CTNND2: variants seen among roughly 807,000 people sequenced by gnomAD.
CTNND2 encodes catenin delta 2, also known as catenin delta-2.
In CTNND2, 22 loss-of-function variants were observed where a neutral mutation model predicts 144.4. The ratio of observed to expected loss-of-function variants is 0.15; its 90% CI spans 0.11 to 0.22. The LOEUF (loss-of-function observed/expected upper bound fraction) is 0.22. Among genes scored for constraint, CTNND2 ranks in the 10% least tolerant of loss-of-function variants. The pLI is 1.00. For synonymous variants in CTNND2, 751 were observed against 695.6 expected (o/e 1.08, Z -1.25); for missense variants, 1,353 against 1,618.8 (o/e 0.84, Z 2.82).
intron 3 of CTNND2, among the ~76,000 whole-genome samples, chr5:11,441,732 G>A (rs191032349): frequency 2.0e-4 from 30 of 148,910 alleles, no homozygotes; most frequent in African/African-American, 7.2e-4. Flanking sequence ...CTGTCTCACT[G>A]AACTTGGAAG....
At chr5:11,585,522 A>ATCTATCTATCTG (rs1252030258) in intron 2 of CTNND2, among the ~76,000 whole-genome samples, 1 of 151,548 alleles carries the variant, frequency 6.6e-6, no homozygotes, top group Non-Finnish European at 1.5e-5. Context: ...CTATCTATCT[A>ATCTATCTATCTG]TATCAGATTC....
At chr5:11,031,573 C>G (rs1000937641) in intron 16 of CTNND2, among the ~76,000 whole-genome samples, 1 of 151,980 alleles carries the variant, frequency 6.6e-6, no homozygotes, top group East Asian at 1.9e-4. Context: ...AAGGATGCCT[C>G]GGTGGGCTGG....
intron 2 of CTNND2, among the ~76,000 whole-genome samples, chr5:11,678,190 AG>A (rs1241214938): frequency 1.3e-5 from 2 of 152,226 alleles, no homozygotes; most frequent in Non-Finnish European, 2.9e-5. Flanking sequence ...TAGGTATTTT[AG>A]AAAACTAATG....
intron 10 of CTNND2, among the ~76,000 whole-genome samples, chr5:11,217,171 A>G (rs1264122315): frequency 6.6e-6 from 1 of 152,172 alleles, no homozygotes; most frequent in Non-Finnish European, 1.5e-5. Flanking sequence ...AAGACAGAAA[A>G]AGTCTTCCCA....
chr5:11,364,986 G>C, intron 7 of CTNND2, 96 bp from the exon 8 acceptor site: 1 of 1,039,282 alleles, frequency 9.6e-7, no homozygotes, highest in South Asian at 1.5e-5. Context: ...GGACAAAATT[G>C]TTGAAATTCC....
intron 9 of CTNND2, among the ~76,000 whole-genome samples, chr5:11,326,479 C>A (rs751367831): frequency 6.6e-6 from 1 of 152,086 alleles, no homozygotes. Flanking sequence ...GACCCCTCAC[C>A]CCTGGGACAC....
chr5:11,758,490 C>T (rs1003232841), intron 1 of CTNND2, among the ~76,000 whole-genome samples: 51 of 151,958 alleles, frequency 3.4e-4, no homozygotes, highest in African/African-American at 1.2e-3. Flanking sequence ...CCAACATTTC[C>T]CCTTTCCCCA....
At chr5:11,081,088 A>ACACACACACACACACACTCT (rs768076033) in intron 16 of CTNND2, among the ~76,000 whole-genome samples, 1 of 151,094 alleles carries the variant, frequency 6.6e-6, no homozygotes, top group Non-Finnish European at 1.5e-5. Flanking sequence ...ACACACACAC[A>ACACACACACACACACACTCT]CACACACACA....
chr5:11,202,867 C>T (rs187105126), intron 10 of CTNND2, among the ~76,000 whole-genome samples: 6 of 152,046 alleles, frequency 3.9e-5, no homozygotes, highest in African/African-American at 7.3e-5. Context: ...TGCAATGGCA[C>T]GATCTCAGCT....
chr5:11,309,311 C>T (rs1750569338), intron 9 of CTNND2, among the ~76,000 whole-genome samples: 1 of 152,210 alleles, frequency 6.6e-6, no homozygotes, highest in Non-Finnish European at 1.5e-5. Flanking sequence ...CTGTACCCTG[C>T]AGAGCCACAG....
chr5:11,786,359 T>A (rs1790829995), intron 1 of CTNND2, among the ~76,000 whole-genome samples: 1 of 152,238 alleles, frequency 6.6e-6, no homozygotes, highest in Non-Finnish European at 1.5e-5. Context: ...TAACACTTTT[T>A]AAAGTGATGC....
chr5:11,897,956 C>G (rs572463722), intron 1 of CTNND2, among the ~76,000 whole-genome samples: 15 of 152,354 alleles, frequency 9.8e-5, no homozygotes, highest in African/African-American at 3.6e-4. Flanking sequence ...TTCTCTGCCT[C>G]TGAAGAATAA....
chr5:11,561,697 T>C (rs181861046), intron 3 of CTNND2, among the ~76,000 whole-genome samples: 183 of 152,304 alleles, frequency 1.2e-3, no homozygotes, highest in Non-Finnish European at 2.3e-3. Context: ...GTATTACAAA[T>C]GCATACTGAT....
At position 11,008,996 on chromosome 5, in the gene CTNND2, C is replaced by T. The variant is rs147620211; in HGVS notation, c.3084+8978G>A. 5.3e-5 allele frequency among the ~76,000 whole-genome samples: 8 copies of T among 152,318 alleles called. No individual in the cohort carries two copies. In the East Asian group the frequency reaches 1.3e-3, roughly 26 times the overall value. ...CTTTCATGCCCGCCCATCGCATGGG[C>T]CCCTTCCAGGGTCTGTACCTAATTT... is the stretch of plus-strand genomic sequence containing the variant. On this transcript the variant is annotated intron_variant, in intron 18 of 21. Coordinates refer to ENST00000304623, the MANE Select transcript of CTNND2 (RefSeq NM_001332.4).
chr5:11,794,202 G>A (rs565455154), intron 1 of CTNND2, among the ~76,000 whole-genome samples: 22 of 152,302 alleles, frequency 1.4e-4, no homozygotes, highest in African/African-American at 5.3e-4. Context: ...TTTATTTCTG[G>A]AAGAGGGATG....
intron 18 of CTNND2, among the ~76,000 whole-genome samples, chr5:11,002,255 G>A (rs752710930): frequency 2.0e-5 from 3 of 152,256 alleles, no homozygotes; most frequent in Non-Finnish European, 4.4e-5. Context: ...GTGATGACCA[G>A]TGGTGCTCCA....
intron 9 of CTNND2, among the ~76,000 whole-genome samples, chr5:11,247,122 T>C (rs555397787): frequency 3.9e-5 from 6 of 152,144 alleles, no homozygotes; most frequent in Non-Finnish European, 7.4e-5. Context: ...GGGTATCAAT[T>C]ACACCTGGAT....
At chr5:11,138,809 C>T (rs1268909450) in intron 12 of CTNND2, among the ~76,000 whole-genome samples, 1 of 152,116 alleles carries the variant, frequency 6.6e-6, no homozygotes, top group Non-Finnish European at 1.5e-5. Flanking sequence ...AGCTCTGCTC[C>T]ATACATATCT....
chr5:11,666,460 CATAGATGGGATTGTTTCA>C (rs1783573923), intron 2 of CTNND2, among the ~76,000 whole-genome samples: 1 of 152,162 alleles, frequency 6.6e-6, no homozygotes, highest in Admixed American at 6.6e-5. Flanking sequence ...AAAGAGTTTT[CATAGATGGGATTGTTTCA>C]ATAGTCACAT....
Sources: gnomAD v4.1 joint callset for allele counts (sites outside exome capture counted in the v4.1 genomes callset) on GRCh38, gnomAD v4.1.1 for gene constraint, MANE v1.5 for transcripts, NCBI Gene and HGNC (gene_info 2026-07-23, HGNC 2026-07-21) for gene names.